Variants in PDE1C observed in about 807,000 individuals in gnomAD.
PDE1C encodes the protein dual specificity calcium/calmodulin-dependent 3',5'-cyclic nucleotide phosphodiesterase 1C.
PDE1C carries 62 observed loss-of-function variants against 93.1 expected under a neutral mutation model. The ratio of observed to expected loss-of-function variants is 0.67; its 90% confidence interval spans 0.54 to 0.82. The LOEUF (loss-of-function observed/expected upper bound fraction) is 0.82, where lower values mean the gene tolerates loss of function less well. Among genes scored for constraint, PDE1C ranks in the 40% least tolerant of loss-of-function variants. The probability of loss-of-function intolerance (pLI) is 0.00; values close to 1 mark genes in which losing one functional copy is unlikely to be tolerated. For missense variants in PDE1C, 742 were observed against 884.6 expected, an observed-to-expected ratio of 0.84 and a Z score of 2.04; for synonymous variants, 325 against 310.1, an observed-to-expected ratio of 1.05 and a Z score of -0.50.
chr7:32,401,545 AAAAG>A (rs1176968891), intron 1 of PDE1C, among the ~76,000 whole-genome samples: 10 of 152,068 alleles, frequency 6.6e-5, no homozygotes, highest in Non-Finnish European at 1.5e-4. Flanking sequence ...TCAAAAAAAA[AAAAG>A]AAAGAAAGAA....
At chr7:31,795,287 T>C (rs963635844) in intron 16 of PDE1C, among the ~76,000 whole-genome samples, 3 of 151,936 alleles carry the variant, frequency 2.0e-5, no homozygotes, top group Non-Finnish European at 2.9e-5. Context: ...AGAGTTTCTT[T>C]TGGCAAATAT....
At position 32,262,213 on chromosome 7, in the gene PDE1C, C is replaced by T. The variant is rs539332475; in HGVS notation, c.85+36438G>A. 3.3e-5 allele frequency among the ~76,000 whole-genome samples: 5 copies of T among 152,088 alleles called. No homozygotes were observed. In the East Asian group the frequency reaches 7.7e-4, roughly 23 times the overall value. ...TAATTTTTGACATTAATTTGTATTTCGTTCTCTGTGATTCCCACCTCCACT... is the reference window on the plus strand; with the variant it reads ...TAATTTTTGACATTAATTTGTATTTTGTTCTCTGTGATTCCCACCTCCACT... On this transcript the variant is annotated intron_variant, in intron 1 of 18. Transcript: ENST00000396193.
At chr7:32,053,639 CAGA>C (rs1793674661) in intron 1 of PDE1C, among the ~76,000 whole-genome samples, 1 of 152,156 alleles carries the variant, frequency 6.6e-6, no homozygotes, top group South Asian at 2.1e-4. Flanking sequence ...CTTCAGAGGT[CAGA>C]AGAAGACAGC....
intron 1 of PDE1C, among the ~76,000 whole-genome samples, chr7:32,267,586 A>ACACTCTCT (rs1442508353): frequency 3.4e-4 from 40 of 117,528 alleles, no homozygotes; most frequent in Non-Finnish European, 5.5e-4. Flanking sequence ...ACACACACAC[A>ACACTCTCT]CTCTCTCTCT....
the PDE1C span, among the ~76,000 whole-genome samples, chr7:31,669,674 C>A: frequency 1.3e-5 from 2 of 152,106 alleles, no homozygotes; most frequent in Non-Finnish European, 2.9e-5. Flanking sequence ...CTTCTTCTTG[C>A]CCAAGGGGTT....
At chr7:32,314,128 T>C (rs1280102194) in intron 1 of PDE1C, among the ~76,000 whole-genome samples, 1 of 152,090 alleles carries the variant, frequency 6.6e-6, no homozygotes, top group African/African-American at 2.4e-5. Context: ...ATGTGGCTTA[T>C]TGTTGTTATC....
At chr7:31,642,630 T>C in the PDE1C span, 2 of 1,519,748 alleles carry the variant, frequency 1.3e-6, no homozygotes, top group Non-Finnish European at 1.8e-6. Context: ...CTTAAACCTA[T>C]TGCCTCCTCC....
chr7:32,146,724 A>T (rs1800860291), intron 3 of PDE1C, among the ~76,000 whole-genome samples: 1 of 152,190 alleles, frequency 6.6e-6, no homozygotes, highest in Non-Finnish European at 1.5e-5. Context: ...GTAATATATT[A>T]ACAGATACTG....
At chr7:31,715,863 C>T in the PDE1C span, among the ~76,000 whole-genome samples, 1 of 152,182 alleles carries the variant, frequency 6.6e-6, no homozygotes, top group Non-Finnish European at 1.5e-5. Flanking sequence ...TTCCATGAGA[C>T]TTCTAAGAGA....
chr7:32,228,485 T>A (rs1807455981), intron 1 of PDE1C, among the ~76,000 whole-genome samples: 1 of 152,170 alleles, frequency 6.6e-6, no homozygotes, highest in Admixed American at 6.5e-5. Context: ...TTTAAGGAAT[T>A]TGTCCGAGGG....
chr7:32,222,672 G>A (rs1806960493), intron 1 of PDE1C, among the ~76,000 whole-genome samples: 1 of 152,190 alleles, frequency 6.6e-6, no homozygotes, highest in Non-Finnish European at 1.5e-5. Flanking sequence ...GAATTTGGCA[G>A]GGACTAGTTC....
chr7:32,362,121 A>G (rs1162049320), intron 1 of PDE1C, among the ~76,000 whole-genome samples: 2 of 152,184 alleles, frequency 1.3e-5, no homozygotes. Context: ...CGATGGGGTC[A>G]GGCAAATTGG....
At chr7:31,841,463 A>T (rs1791889685) in intron 9 of PDE1C, among the ~76,000 whole-genome samples, 1 of 152,092 alleles carries the variant, frequency 6.6e-6, no homozygotes, top group African/African-American at 2.4e-5. Context: ...AGGAAAAAAC[A>T]TTCAATATTT....
chr7:31,719,668 G>A, the PDE1C span, among the ~76,000 whole-genome samples: 1 of 152,054 alleles, frequency 6.6e-6, no homozygotes, highest in African/African-American at 2.4e-5. Context: ...TCTACATTTT[G>A]TCCGACAGAC....
chr7:32,417,173 C>T (rs1360058841), intron 1 of PDE1C, among the ~76,000 whole-genome samples: 2 of 152,260 alleles, frequency 1.3e-5, no homozygotes, highest in Middle Eastern at 3.4e-3. Context: ...TTCTGTGGCA[C>T]AGGCCCCAAA....
chr7:31,819,749 A>G (rs1290713135), intron 14 of PDE1C, among the ~76,000 whole-genome samples: 1 of 152,146 alleles, frequency 6.6e-6, no homozygotes, highest in Non-Finnish European at 1.5e-5. Flanking sequence ...CTTCCTGAAT[A>G]ATGATACTAT....
intron 2 of PDE1C, among the ~76,000 whole-genome samples, chr7:31,936,014 G>C (rs1280656610): frequency 6.6e-6 from 1 of 152,190 alleles, no homozygotes; most frequent in African/African-American, 2.4e-5. Context: ...AATGCCGTCT[G>C]TAAGATATTC....
intron 3 of PDE1C, among the ~76,000 whole-genome samples, chr7:32,126,083 T>C (rs1470224383): frequency 2.0e-5 from 3 of 152,134 alleles, no homozygotes; most frequent in Non-Finnish European, 4.4e-5. Context: ...ACAGGAATCA[T>C]GGTTAATCAT....
At chr7:31,794,286 C>T (rs996045760) in intron 16 of PDE1C, among the ~76,000 whole-genome samples, 10 of 151,942 alleles carry the variant, frequency 6.6e-5, no homozygotes, top group African/African-American at 2.4e-4. Context: ...AAAGTAATTG[C>T]GGTCTTTACC....
Sources: allele counts gnomAD v4.1 joint callset (sites outside exome capture counted in the v4.1 genomes callset), GRCh38; gene constraint gnomAD v4.1.1; transcripts MANE v1.5; gene names NCBI Gene and HGNC (gene_info 2026-07-23, HGNC 2026-07-21).